TBCK: variants seen among roughly 807,000 people sequenced by gnomAD.
TBCK encodes the protein TBC domain-containing protein kinase-like protein.
A neutral mutation model predicts 113.4 loss-of-function variants in TBCK; 99 were observed. That is an observed-to-expected ratio of 0.87 (90% confidence interval 0.74 to 1.03). The LOEUF is 1.03. TBCK is among the 50% of genes least tolerant of loss of function. The pLI is 0.00. For synonymous variants in TBCK, 369 were observed against 370.8 expected, an observed-to-expected ratio of 1.00 and a Z score of 0.05; for missense variants, 1,045 against 1,061.3, an observed-to-expected ratio of 0.98 and a Z score of 0.21.
At chr4:106,077,381 C>A (rs190850281) in intron 25 of TBCK, among the ~76,000 whole-genome samples, 2 of 152,054 alleles carry the variant, frequency 1.3e-5, no homozygotes, top group African/African-American at 2.4e-5. Context: ...AGTGTCAAGG[C>A]GGATAAAGAA....
At chr4:106,315,293 C>A (rs1256602011) in intron 1 of TBCK, among the ~76,000 whole-genome samples, 1 of 151,988 alleles carries the variant, frequency 6.6e-6, no homozygotes, top group Non-Finnish European at 1.5e-5. Flanking sequence ...AAGTCAGACT[C>A]TGTGCCCTCA....
At chr4:106,247,740 A>G (rs1270870407) in intron 9 of TBCK, 1 of 156,666 alleles carries the variant, frequency 6.4e-6, no homozygotes, top group Non-Finnish European at 1.4e-5. Context: ...ATTTGTATAC[A>G]TTATTTTCAA....
Position 106,236,803 on chromosome 4 carries a change from C to T in TBCK, c.1176G>A (p.Leu392=). The change falls in exon 13 of 26, where the codon TTG becomes TTA. Residue 392 remains leucine (L), a synonymous_variant. Transcript: ENST00000394708. ...TLSLCQLRNR[L]KDVGGEAFYP... ...AAAATGCTTCTCCACCAACATCTTT[C>T]AATCTCTGTGTATTTAAAGACAAAA... 6.6e-7 allele frequency: 1 copy of T among 1,511,000 alleles called. No individual in the cohort carries two copies. Among genetic ancestry groups the T allele is most frequent in the Non-Finnish European group, 8.9e-7 (1 of 1,126,434 alleles). 93.6% of individuals were successfully genotyped at this position (1,511,000 alleles called of 1,614,324 possible). A position where few individuals can be genotyped will look rare whatever the true frequency, so the allele number is the denominator to read the frequency against.
intron 25 of TBCK, among the ~76,000 whole-genome samples, chr4:106,048,662 T>A (rs1734472473): frequency 6.6e-6 from 1 of 152,144 alleles, no homozygotes; most frequent in Non-Finnish European, 1.5e-5. Context: ...AATTCTAAGA[T>A]AAACATAACA....
At chr4:106,119,384 C>G (rs1425865583) in intron 23 of TBCK, among the ~76,000 whole-genome samples, 1 of 152,096 alleles carries the variant, frequency 6.6e-6, no homozygotes, top group African/African-American at 2.4e-5. Flanking sequence ...TGATTCTTGA[C>G]AAAGCCACCA....
At chr4:106,293,069 A>C (rs2125837577) in intron 3 of TBCK, among the ~76,000 whole-genome samples, 2 of 152,308 alleles carry the variant, frequency 1.3e-5, no homozygotes, top group Middle Eastern at 6.8e-3. Flanking sequence ...CCCAACCACA[A>C]AGGACCCCTG....
Position 106,230,432 on chromosome 4 carries a change from A to C in TBCK, c.1705T>G (p.Cys569Gly), listed in dbSNP as rs771839389. The stretch of plus-strand genomic sequence containing the variant: ...TATTTGGGAATAAAAGCAGACATAC[A>C]TGCATAAGCCAAGGCTAAAAGAGAA... ...NFNNEALAYA[C>G]MSAFIPKYLY... The change falls in exon 19 of 26, where the codon TGT (cysteine) becomes GGT (glycine). Residue 569 changes from cysteine (C) to glycine (G), a missense_variant. By Grantham distance (159) the Cys-to-Gly change is radical. Transcript: ENST00000394708. The C allele has an allele frequency of 3.7e-6, 6 of 1,602,250 alleles. No homozygotes were observed. In the South Asian group the frequency reaches 6.7e-5, roughly 18 times the overall value.
chr4:106,217,271 G>T (rs1294853672), intron 19 of TBCK, among the ~76,000 whole-genome samples: 1 of 152,058 alleles, frequency 6.6e-6, no homozygotes, highest in Admixed American at 6.6e-5. Context: ...ATACTGAATG[G>T]GCAAAAACTG....
At chr4:106,306,399 C>T (rs562454391) in intron 2 of TBCK, among the ~76,000 whole-genome samples, 68 of 152,014 alleles carry the variant, frequency 4.5e-4, no homozygotes, top group African/African-American at 1.0e-3. Flanking sequence ...TATTCTTCAA[C>T]GCAAAATTAA....
Position 106,193,771 on chromosome 4 carries a change from C to A in TBCK, c.1898-1G>T. 1 of 1,536,024 alleles carries A rather than the reference C, an allele frequency of 6.5e-7. No homozygotes were observed. Among genetic ancestry groups the A allele is most frequent in the Non-Finnish European group, 8.7e-7 (1 of 1,145,024 alleles). On this transcript the variant is annotated splice_acceptor_variant, in intron 21 of 25. Transcript: ENST00000394708. LOFTEE classifies it high-confidence loss of function. ...AAAATTTTGTGTAGTGGAAATACATCTGTAAAACGATAAAAATACAAATAA... is the reference window on the plus strand; with the variant it reads ...AAAATTTTGTGTAGTGGAAATACATATGTAAAACGATAAAAATACAAATAA...
At chr4:106,234,323 G>A (rs1382347691) in intron 15 of TBCK, among the ~76,000 whole-genome samples, 1 of 152,030 alleles carries the variant, frequency 6.6e-6, no homozygotes, top group Admixed American at 6.6e-5. Context: ...TGAACAATTG[G>A]CATTCTTGTA....
intron 23 of TBCK, among the ~76,000 whole-genome samples, chr4:106,152,085 T>C (rs966964003): frequency 1.3e-5 from 2 of 151,980 alleles, no homozygotes; most frequent in African/African-American, 4.8e-5. Context: ...TTTCTCTTTG[T>C]CTAATTGCTC....
chr4:106,065,141 A>G (rs939895374), intron 25 of TBCK, among the ~76,000 whole-genome samples: 2 of 152,012 alleles, frequency 1.3e-5, no homozygotes, highest in African/African-American at 4.8e-5. Flanking sequence ...CTGCTCAAGG[A>G]TATAAAAATG....
At chr4:106,252,093 G>T in intron 5 of TBCK, 86 bp from the exon 6 acceptor site, 1 of 1,113,420 alleles carries the variant, frequency 9.0e-7, no homozygotes, top group Non-Finnish European at 1.2e-6. Context: ...TAAGATCTAT[G>T]TAAAAGTCTC....
At chr4:106,064,264 C>CTTAA (rs961964799) in intron 25 of TBCK, among the ~76,000 whole-genome samples, 2 of 151,868 alleles carry the variant, frequency 1.3e-5, no homozygotes, top group African/African-American at 4.8e-5. Context: ...ACATTTTAAA[C>CTTAA]TTAATTATTA....
upstream of TBCK, chr4:106,316,463 G>A: frequency 7.5e-7 from 1 of 1,338,930 alleles, no homozygotes; most frequent in Non-Finnish European, 1.0e-6. Flanking sequence ...ATTGAGGGTT[G>A]AATCTGTAGA....
chr4:106,130,421 T>G (rs762112102), intron 23 of TBCK, among the ~76,000 whole-genome samples: 7 of 152,158 alleles, frequency 4.6e-5, no homozygotes, highest in African/African-American at 9.6e-5. Context: ...TAAATAGCAC[T>G]GAACTCATGT....
intron 12 of TBCK, among the ~76,000 whole-genome samples, chr4:106,240,135 T>C (rs1476206663): frequency 6.6e-6 from 1 of 152,004 alleles, no homozygotes; most frequent in Non-Finnish European, 1.5e-5. Context: ...AAAAAGCATA[T>C]GACCATCCCA....
intron 23 of TBCK, among the ~76,000 whole-genome samples, chr4:106,170,645 C>T (rs540940435): frequency 1.3e-5 from 2 of 152,142 alleles, no homozygotes; most frequent in South Asian, 4.1e-4. Flanking sequence ...TAACTGAAAG[C>T]TTTGTTGACC....
Sources: gnomAD v4.1 joint callset for allele counts (sites outside exome capture counted in the v4.1 genomes callset) on GRCh38, gnomAD v4.1.1 for gene constraint, MANE v1.5 for transcripts, NCBI Gene and HGNC (gene_info 2026-07-23, HGNC 2026-07-21) for gene names.